ERC1: variants seen among roughly 807,000 people sequenced by gnomAD.
ERC1 encodes the protein ELKS/RAB6-interacting/CAST family member 1.
Under a neutral mutation model 132.0 loss-of-function variants are expected in ERC1, and 56 were observed. That is an observed-to-expected ratio of 0.42 (90% confidence interval 0.34 to 0.53). ERC1 has a LOEUF of 0.53. Among genes scored for constraint, ERC1 ranks in the 20% least tolerant of loss-of-function variants. The probability of loss-of-function intolerance (pLI) is 0.03; values close to 1 mark genes in which losing one functional copy is unlikely to be tolerated. For synonymous variants in ERC1, 478 were observed against 476.1 expected (o/e 1.00, Z -0.05); for missense variants, 1,202 against 1,349.9 (o/e 0.89, Z 1.72).
chr12:1,096,217 T>G (rs1944022047), intron 3 of ERC1, among the ~76,000 whole-genome samples: 1 of 152,192 alleles, frequency 6.6e-6, no homozygotes, highest in Non-Finnish European at 1.5e-5. Flanking sequence ...CATGAGCCAC[T>G]GCACCCAGTC....
chr12:1,404,399 G>A (rs1441946902), intron 16 of ERC1, among the ~76,000 whole-genome samples: 1 of 143,266 alleles, frequency 7.0e-6, no homozygotes, highest in African/African-American at 2.7e-5. Flanking sequence ...AAAAAAAAAA[G>A]TATGTTATTT....
rs763943046 is a variant in ERC1, at chr12:1,028,266, C to T, written c.363C>T (p.Asp121=). ...TAGCTAGCAGTGGGGTTGCTAGTGA[C>T]ACCATAGCATTTGGAGAGCATCACC... is the stretch of plus-strand genomic sequence containing the variant. ...PNIASSGVAS[D]TIAFGEHHLP... Residue 121 remains aspartate (D), a synonymous_variant, in exon 2 of 19, where the codon GAC becomes GAT. Coordinates refer to ENST00000360905, the MANE Select transcript of ERC1 (RefSeq NM_178040.4). The T allele has an allele frequency of 5.6e-6, 9 of 1,613,986 alleles. No homozygotes were observed. In the Admixed American group the frequency reaches 1.5e-4, roughly 27 times the overall value.
intron 2 of ERC1, among the ~76,000 whole-genome samples, chr12:1,033,684 C>T (rs1253233763): frequency 1.3e-5 from 2 of 151,308 alleles, no homozygotes; most frequent in Non-Finnish European, 2.9e-5. Context: ...AGCTGGAGTG[C>T]AGTGACACGA....
intron 2 of ERC1, among the ~76,000 whole-genome samples, chr12:1,049,908 T>A (rs1231497020): frequency 6.6e-6 from 1 of 152,078 alleles, no homozygotes; most frequent in Non-Finnish European, 1.5e-5. Flanking sequence ...CATGCCCGGC[T>A]AATTTTGTAT....
intron 15 of ERC1, among the ~76,000 whole-genome samples, chr12:1,292,158 A>G (rs146188339): frequency 3.3e-5 from 5 of 152,310 alleles, no homozygotes; most frequent in East Asian, 1.9e-4. Flanking sequence ...CCCACCCTAC[A>G]TTAGCATTCA....
chr12:1,368,018 G>A (rs1347147705), intron 15 of ERC1, among the ~76,000 whole-genome samples: 1 of 148,430 alleles, frequency 6.7e-6, no homozygotes. Flanking sequence ...TAATTTGACA[G>A]GAAAAGCATT....
chr12:1,361,177 G>T (rs2086066506), intron 15 of ERC1, among the ~76,000 whole-genome samples: 1 of 144,794 alleles, frequency 6.9e-6, no homozygotes, highest in South Asian at 2.3e-4. Flanking sequence ...CTGAGGATAT[G>T]CTATTTCAGT....
At chr12:1,334,730 C>T (rs985225405) in intron 15 of ERC1, among the ~76,000 whole-genome samples, 3 of 152,002 alleles carry the variant, frequency 2.0e-5, no homozygotes, top group Admixed American at 6.6e-5. Flanking sequence ...TTTTGGTTTT[C>T]ATATGAATTT....
chr12:1,034,266 A>G (rs188655296), intron 2 of ERC1, among the ~76,000 whole-genome samples: 9 of 152,244 alleles, frequency 5.9e-5, no homozygotes, highest in Non-Finnish European at 1.2e-4. Context: ...TGGCTGAGAC[A>G]TAATTTTTTA....
chr12:1,358,060 A>G (rs973310759), intron 15 of ERC1, among the ~76,000 whole-genome samples: 51 of 152,078 alleles, frequency 3.4e-4, no homozygotes, highest in Admixed American at 1.3e-3. Context: ...TTGCCCAAGA[A>G]TATATTATAG....
intron 12 of ERC1, among the ~76,000 whole-genome samples, chr12:1,220,876 T>G (rs1275277703): frequency 2.0e-5 from 3 of 152,230 alleles, no homozygotes; most frequent in African/African-American, 7.2e-5. Flanking sequence ...CACCTGGGCC[T>G]CGTGCCCATT....
chr12:1,095,092 T>G (rs1424977467), intron 3 of ERC1, among the ~76,000 whole-genome samples: 1 of 152,158 alleles, frequency 6.6e-6, no homozygotes, highest in Non-Finnish European at 1.5e-5. Flanking sequence ...CAAGTAAAAG[T>G]TGACTTACTT....
chr12:1,394,918 G>C (rs1460173459), intron 16 of ERC1, among the ~76,000 whole-genome samples: 1 of 152,164 alleles, frequency 6.6e-6, no homozygotes, highest in African/African-American at 2.4e-5. Flanking sequence ...AAATGTTCTT[G>C]GATCCTGGCC....
intron 16 of ERC1, among the ~76,000 whole-genome samples, chr12:1,400,916 A>ATTATTATTATTTTTT (rs2090981093): frequency 6.6e-4 from 10 of 15,040 alleles, no homozygotes; most frequent in African/African-American, 3.1e-3. Flanking sequence ...CTATTTTTGT[A>ATTATTATTATTTTTT]TTTTTTTTTT....
intron 8 of ERC1, among the ~76,000 whole-genome samples, chr12:1,166,802 A>C (rs60099755): frequency 0.016 from 2,399 of 152,320 alleles, 80 homozygotes; most frequent in African/African-American, 0.053. Context: ...TTCTATCAGC[A>C]TTATTATGGA....
At chr12:1,469,438 C>T (rs534249730) in intron 18 of ERC1, among the ~76,000 whole-genome samples, 32 of 152,344 alleles carry the variant, frequency 2.1e-4, no homozygotes, top group Non-Finnish European at 4.6e-4. Context: ...GAGGGGTGGG[C>T]CCACCGCCCT....
chr12:1,277,074 C>T (rs1232151945), intron 14 of ERC1, among the ~76,000 whole-genome samples: 1 of 152,084 alleles, frequency 6.6e-6, no homozygotes, highest in African/African-American at 2.4e-5. Flanking sequence ...TGGAAAAATA[C>T]AATTTAGAAA....
chr12:1,485,076 A>T (rs1023989216), intron 18 of ERC1, among the ~76,000 whole-genome samples: 8 of 147,458 alleles, frequency 5.4e-5, no homozygotes, highest in African/African-American at 1.8e-4. Flanking sequence ...TTTTGTAGAG[A>T]TGGGGTCTCG....
chr12:1,440,605 TGTGTGTGTGTGTG>T lies in ERC1; in HGVS notation c.3025-3956_3025-3944del, dbSNP rs1308049693. Among the ~76,000 whole-genome samples the T allele has an allele frequency of 1.4e-3, 9 of 6,334 alleles. 1 individual carries two copies. The highest frequency in any genetic ancestry group is 5.9e-3 in the African/African-American group (9 of 1,522). 4.2% of individuals were successfully genotyped at this position (6,334 alleles called of 152,430 possible). ...AATCCCCCTGCCTCAGCCTTTTGTG[TGTGTGTGTGTGTG>T]TGTGTGTGTGTGTGTGTGTGTGTGT... On this transcript the variant is annotated intron_variant, in intron 17 of 18. Coordinates refer to ENST00000360905, the MANE Select transcript of ERC1 (RefSeq NM_178040.4).
Sources: gnomAD v4.1 joint callset for allele counts (sites outside exome capture counted in the v4.1 genomes callset) on GRCh38, gnomAD v4.1.1 for gene constraint, MANE v1.5 for transcripts, NCBI Gene and HGNC (gene_info 2026-07-23, HGNC 2026-07-21) for gene names.